The following DNAJC15 variants were observed in gnomAD, a reference collection of about 807,000 sequenced individuals.
DNAJC15 encodes the protein DnaJ heat shock protein family (Hsp40) member C15, also known as dnaJ homolog subfamily C member 15.
DNAJC15 carries 27 observed loss-of-function variants against 22.4 expected under a neutral mutation model. The ratio of observed to expected loss-of-function variants is 1.20; its 90% CI spans 0.89 to 1.66. DNAJC15 has a LOEUF of 1.66. Among genes scored for constraint, DNAJC15 ranks in the 40% most tolerant of loss-of-function variants. DNAJC15 has a pLI of 0.00. For missense variants in DNAJC15, 208 were observed against 187.1 expected (o/e 1.11, Z -0.65); for synonymous variants, 79 against 63.2 (o/e 1.25, Z -1.19).
At chr13:43,026,438 C>T (rs1433928337) in intron 1 of DNAJC15, among the ~76,000 whole-genome samples, 1 of 152,316 alleles carries the variant, frequency 6.6e-6, no homozygotes, top group South Asian at 2.1e-4. Flanking sequence ...TGCAACCAAA[C>T]AGGGCCTCAC....
intron 1 of DNAJC15, among the ~76,000 whole-genome samples, chr13:43,040,853 G>T (rs1055723220): frequency 7.9e-5 from 12 of 152,288 alleles, no homozygotes; most frequent in African/African-American, 2.6e-4. Flanking sequence ...CTGTGCTTTA[G>T]ATATGCATAC....
chr13:43,041,865 A>G (rs2153439861), intron 1 of DNAJC15, among the ~76,000 whole-genome samples: 1 of 152,326 alleles, frequency 6.6e-6, no homozygotes, highest in Middle Eastern at 3.4e-3. Flanking sequence ...AATGAAGCCT[A>G]CCTCTTGCCT....
Position 43,086,540 on chromosome 13 carries a change from A to G in DNAJC15, c.382+702A>G, listed in dbSNP as rs567615765. Among the ~76,000 whole-genome samples, 16 of 152,340 alleles carry G rather than the reference A, an allele frequency of 1.1e-4. 1 individual carries two copies. The highest frequency in any genetic ancestry group is 3.1e-4 in the African/African-American group (13 of 41,586). On this transcript the variant is annotated intron_variant, in intron 5 of 5. Transcript: ENST00000379221. Reference sequence around the variant, plus strand: ...TCAGTTTCCTAATTATTTCAAAAAAATTAAAAACAAATTTTGGATTCCTCT... The same window carrying G: ...TCAGTTTCCTAATTATTTCAAAAAAGTTAAAAACAAATTTTGGATTCCTCT...
chr13:43,065,553 T>A, intron 1 of DNAJC15, 133 bp from the exon 2 acceptor site: 1 of 681,856 alleles, frequency 1.5e-6, no homozygotes, highest in Non-Finnish European at 2.5e-6. Flanking sequence ...CATATTTTTT[T>A]AAGTCCTGAT....
intron 4 of DNAJC15, among the ~76,000 whole-genome samples, chr13:43,082,892 GTA>G (rs1253271165): frequency 5.3e-5 from 8 of 150,286 alleles, no homozygotes; most frequent in South Asian, 2.1e-4. Flanking sequence ...GTATATGTGT[GTA>G]TATATATGTG....
chr13:43,101,851 T>C (rs1189816987), intron 5 of DNAJC15, among the ~76,000 whole-genome samples: 1 of 152,238 alleles, frequency 6.6e-6, no homozygotes, highest in Non-Finnish European at 1.5e-5. Flanking sequence ...GCATTTAAGC[T>C]GGTTCCATAT....
At position 43,110,097 on chromosome 13, in the gene DNAJC15, C is replaced by T. The variant is rs1474502674; in HGVS notation, c.*2849C>T. 5.9e-5 allele frequency: 9 copies of T among 152,146 alleles called. No individual in the cohort carries two copies. The highest frequency in any genetic ancestry group is 1.2e-4 in the Non-Finnish European group (8 of 68,026). 9.4% of individuals were successfully genotyped at this position (152,146 alleles called of 1,614,324 possible). On this transcript the variant is annotated 3_prime_UTR_variant, in exon 6 of 6. Coordinates refer to ENST00000379221, the MANE Select transcript of DNAJC15 (RefSeq NM_013238.3). Reference sequence around the variant, plus strand: ...TGGATAGAACATGGTGGGGACAGCTCGTCTCTATTCCTTGCAGCATTAACA... The same window carrying T: ...TGGATAGAACATGGTGGGGACAGCTTGTCTCTATTCCTTGCAGCATTAACA...
intron 1 of DNAJC15, among the ~76,000 whole-genome samples, chr13:43,033,496 A>C (rs2040413295): frequency 6.6e-6 from 1 of 152,072 alleles, no homozygotes; most frequent in African/African-American, 2.4e-5. Flanking sequence ...TTTTTAGCTG[A>C]TGTCCTTTTT....
intron 5 of DNAJC15, among the ~76,000 whole-genome samples, chr13:43,099,730 A>G (rs1482848553): frequency 6.6e-6 from 1 of 152,120 alleles, no homozygotes; most frequent in Non-Finnish European, 1.5e-5. Context: ...TAAATCCCAC[A>G]GGGATTTGCA....
At chr13:43,069,440 A>G (rs1450068749) in intron 3 of DNAJC15, among the ~76,000 whole-genome samples, 1 of 152,136 alleles carries the variant, frequency 6.6e-6, no homozygotes, top group Non-Finnish European at 1.5e-5. Flanking sequence ...GTCCCCTTAT[A>G]CCATCATGCC....
intron 4 of DNAJC15, among the ~76,000 whole-genome samples, chr13:43,079,297 T>C (rs552196866): frequency 1.8e-4 from 28 of 152,326 alleles, no homozygotes; most frequent in Admixed American, 8.5e-4. Context: ...GTATGTCATG[T>C]ACAACAAATC....
chr13:43,059,338 A>C (rs909036098), intron 1 of DNAJC15, among the ~76,000 whole-genome samples: 1 of 152,076 alleles, frequency 6.6e-6, no homozygotes, highest in Non-Finnish European at 1.5e-5. Context: ...ATTGAATGAG[A>C]TATCCTTCAG....
rs772364285 is a variant in DNAJC15 at position 43,107,292 on chromosome 13, A to G, written c.*44A>G. Reference sequence around the variant, plus strand: ...AAGGAAAAAAAAAGAGGGGACTTCGAAAAAAAAAAAAGCCCTGCAAAATAT... The same window carrying G: ...AAGGAAAAAAAAAGAGGGGACTTCGGAAAAAAAAAAAGCCCTGCAAAATAT... On this transcript the variant is annotated 3_prime_UTR_variant, in exon 6 of 6. Transcript: ENST00000379221. 3.7e-6 allele frequency: 3 copies of G among 816,386 alleles called. No homozygotes were observed. Among genetic ancestry groups the G allele is most frequent in the East Asian group, 5.1e-5 (1 of 19,474 alleles). The allele number at this position is 816,386 out of a possible 1,614,324, so 50.6% of individuals were successfully genotyped here. A position where few individuals can be genotyped will look rare whatever the true frequency, so the allele number is the denominator to read the frequency against.
chr13:43,080,911 A>G (rs1027772494), intron 4 of DNAJC15, among the ~76,000 whole-genome samples: 11 of 152,224 alleles, frequency 7.2e-5, no homozygotes, highest in African/African-American at 1.7e-4. Flanking sequence ...CAGTCAGGCA[A>G]TGTTGATTAT....
intron 3 of DNAJC15, among the ~76,000 whole-genome samples, chr13:43,072,421 C>T (rs1169735952): frequency 6.6e-6 from 1 of 152,020 alleles, no homozygotes; most frequent in African/African-American, 2.4e-5. Flanking sequence ...GATGTCTGTC[C>T]TCTATGTCTC....
intron 1 of DNAJC15, among the ~76,000 whole-genome samples, chr13:43,049,319 T>C (rs541792454): frequency 5.3e-5 from 8 of 152,308 alleles, no homozygotes; most frequent in African/African-American, 1.9e-4. Context: ...CATCATTGTT[T>C]AAAAAACATT....
At position 43,085,817 on chromosome 13, in the gene DNAJC15, A is replaced by G; in HGVS notation, c.361A>G (p.Ile121Val). The G allele has an allele frequency of 6.2e-7, 1 of 1,613,564 alleles. No homozygotes were observed. Among genetic ancestry groups the G allele is most frequent in the East Asian group, 2.2e-5 (1 of 44,820 alleles). ...TAGAACAGCTCATAGGAGAGTCATG[A>G]TTTTGAATCACCCAGATAAAGGTAG... ...KIRTAHRRVM[I>V]LNHPDKGGSP... Residue 121 changes from isoleucine (I) to valine (V), a missense_variant, in exon 5 of 6, where the codon ATT becomes GTT. By Grantham distance (29) the Ile-to-Val change is conservative. Coordinates refer to ENST00000379221, the MANE Select transcript of DNAJC15 (RefSeq NM_013238.3).
At chr13:43,087,960 G>A (rs991407850) in intron 5 of DNAJC15, among the ~76,000 whole-genome samples, 9 of 152,290 alleles carry the variant, frequency 5.9e-5, no homozygotes, top group Non-Finnish European at 1.0e-4. Context: ...TTGATCTAAT[G>A]CTTTCAAGGC....
Position 43,070,796 on chromosome 13 carries a change from G to A in DNAJC15, c.234+1793G>A, listed in dbSNP as rs115309924. Among the ~76,000 whole-genome samples the A allele has an allele frequency of 2.9e-3, 447 of 152,230 alleles. 2 individuals are homozygous for A. Among genetic ancestry groups the A allele is most frequent in the African/African-American group, 0.01 (417 of 41,546 alleles). ...AAAAACTTCAAATTTTACCTTAAGC[G>A]TGAAAGAAAGCCCTTGGAAGGGTTT... On this transcript the variant is annotated intron_variant, in intron 3 of 5. Coordinates refer to ENST00000379221, the MANE Select transcript of DNAJC15 (RefSeq NM_013238.3).
Sources: gnomAD v4.1 joint callset for allele counts (sites outside exome capture counted in the v4.1 genomes callset) on GRCh38, gnomAD v4.1.1 for gene constraint, MANE v1.5 for transcripts, NCBI Gene and HGNC (gene_info 2026-07-23, HGNC 2026-07-21) for gene names.